GINS1: variants seen among roughly 807,000 people sequenced by gnomAD.
GINS1 encodes DNA replication complex GINS protein PSF1.
A neutral mutation model predicts 34.9 loss-of-function variants in GINS1; 26 were observed. The observed-to-expected ratio is 0.74, with a 90% CI of 0.55 to 1.03. The LOEUF (loss-of-function observed/expected upper bound fraction) is 1.03. Among genes scored for constraint, GINS1 ranks in the 50% least tolerant of loss-of-function variants. The probability of loss-of-function intolerance (pLI) is 0.00; values close to 1 mark genes in which losing one functional copy is unlikely to be tolerated. For synonymous variants in GINS1, 97 were observed against 84.4 expected, an observed-to-expected ratio of 1.15 and a Z score of -0.82; for missense variants, 235 against 237.9, an observed-to-expected ratio of 0.99 and a Z score of 0.08.
At chr20:25,411,395 A>G (rs756750969) in intron 1 of GINS1, 1 of 152,222 alleles carries the variant, frequency 6.6e-6, no homozygotes, top group Non-Finnish European at 1.5e-5. Flanking sequence ...TGCCATTTGT[A>G]TATGCCACAG....
chr20:25,431,860 C>T (rs1208760507), intron 5 of GINS1, among the ~76,000 whole-genome samples: 1 of 151,992 alleles, frequency 6.6e-6, no homozygotes, highest in Non-Finnish European at 1.5e-5. Context: ...GTGTGAGCCA[C>T]CATGCCTGGC....
chr20:25,416,783 A>C (rs1192946915), intron 2 of GINS1, among the ~76,000 whole-genome samples: 1 of 152,228 alleles, frequency 6.6e-6, no homozygotes, highest in Non-Finnish European at 1.5e-5. Context: ...CTCTTATCTC[A>C]GCGTGATAAT....
chr20:25,424,057 C>A (rs1473509463), intron 4 of GINS1, among the ~76,000 whole-genome samples: 1 of 152,162 alleles, frequency 6.6e-6, no homozygotes, highest in Non-Finnish European at 1.5e-5. Context: ...ATGTATTGAA[C>A]AGATCTGCCT....
At position 25,428,969 on chromosome 20, in the gene GINS1, C is replaced by CTTTTTTT. The variant is rs77113924; in HGVS notation, c.447+3673_447+3679dup. ...GGGTCCTCCACCTTCATTCCTCTCT[C>CTTTTTTT]TTTTTTTTTTTTTTTTTTTTTTTTT... On this transcript the variant is annotated intron_variant, in intron 5 of 6. Transcript: ENST00000262460. Among the ~76,000 whole-genome samples the CTTTTTTT allele has an allele frequency of 4.8e-4, 61 of 127,500 alleles. 4 individuals carry two copies. Among genetic ancestry groups the CTTTTTTT allele is most frequent in the Non-Finnish European group, 7.9e-4 (48 of 60,862 alleles). The allele number at this position is 127,500 out of a possible 152,430, so 83.6% of individuals were successfully genotyped here. A position where few individuals can be genotyped will look rare whatever the true frequency, so the allele number is the denominator to read the frequency against.
At chr20:25,444,501 T>C (rs955972558) in intron 6 of GINS1, among the ~76,000 whole-genome samples, 5 of 152,210 alleles carry the variant, frequency 3.3e-5, no homozygotes, top group Non-Finnish European at 5.9e-5. Context: ...TCTTCAAGAT[T>C]GGTTTAGAAG....
chr20:25,408,884 A>G (rs1320932697), intron 1 of GINS1: 1 of 979,088 alleles, frequency 1.0e-6, no homozygotes, highest in Non-Finnish European at 1.2e-6. Context: ...TAGAGCAGGC[A>G]TTATGTGGAT....
intron 5 of GINS1, among the ~76,000 whole-genome samples, chr20:25,431,575 CTT>C (rs77211490): frequency 3.8e-5 from 5 of 132,118 alleles, no homozygotes; most frequent in African/African-American, 5.6e-5. Flanking sequence ...TTTCTTTTTT[CTT>C]TTTTTTTTTT....
chr20:25,430,935 T>G (rs1489951612), intron 5 of GINS1, among the ~76,000 whole-genome samples: 1 of 152,228 alleles, frequency 6.6e-6, no homozygotes, highest in African/African-American at 2.4e-5. Flanking sequence ...CCTCATAAAA[T>G]GAGTTAGGGA....
chr20:25,445,348 A>ATT (rs61186516), intron 6 of GINS1, among the ~76,000 whole-genome samples: 10 of 138,366 alleles, frequency 7.2e-5, no homozygotes, highest in African/African-American at 5.3e-5. Context: ...CGCCTGGCTA[A>ATT]TTTTTTTTTT....
At chr20:25,409,125 A>C in intron 1 of GINS1, 24 of 646,918 alleles carry the variant, frequency 3.7e-5, no homozygotes, top group South Asian at 6.9e-5. Context: ...ACGTGGTCAC[A>C]CTGGAGAGGG....
At chr20:25,431,560 CCTTTTTT>C (rs1218952910) in intron 5 of GINS1, among the ~76,000 whole-genome samples, 65 of 148,916 alleles carry the variant, frequency 4.4e-4, no homozygotes, top group Non-Finnish European at 6.7e-4. Flanking sequence ...TTTTCTTTTT[CCTTTTTT>C]CTTTTTTCTT....
At chr20:25,427,804 T>C (rs558276252) in intron 5 of GINS1, among the ~76,000 whole-genome samples, 1 of 152,070 alleles carries the variant, frequency 6.6e-6, no homozygotes, top group East Asian at 1.9e-4. Flanking sequence ...TTTTTTCTTT[T>C]TTTTCTGTTT....
In GINS1 at chr20:25,408,945, C is replaced by T. The variant is rs948361163; in HGVS notation, c.75+1050C>T. 8.1e-6 allele frequency: 8 copies of T among 982,790 alleles called. No individual in the cohort carries two copies. In the African/African-American group the frequency reaches 1.0e-4, roughly 13 times the overall value. 60.9% of individuals were successfully genotyped at this position (982,790 alleles called of 1,614,324 possible). On this transcript the variant is annotated intron_variant, in intron 1 of 6. Coordinates refer to ENST00000262460, the MANE Select transcript of GINS1 (RefSeq NM_021067.5). ...GGGCACAAAAACAGATAATAGAATT[C>T]ACCACGCTAAGTGATACTAAGGAGG...
chr20:25,428,169 G>A (rs1328208130), intron 5 of GINS1, among the ~76,000 whole-genome samples: 3 of 151,768 alleles, frequency 2.0e-5, no homozygotes, highest in East Asian at 1.9e-4. Context: ...CATCGCACCC[G>A]GCCAATTTTT....
chr20:25,417,327 CTG>C (rs2090327594), intron 3 of GINS1, 125 bp downstream of exon 3: 1 of 619,682 alleles, frequency 1.6e-6, no homozygotes, highest in East Asian at 3.1e-5. Flanking sequence ...AATTTTTCCT[CTG>C]TGTTTTCATT....
At chr20:25,435,668 GA>G (rs2090450119) in intron 5 of GINS1, among the ~76,000 whole-genome samples, 1 of 144,160 alleles carries the variant, frequency 6.9e-6, no homozygotes, top group Non-Finnish European at 1.5e-5. Flanking sequence ...TGAGGGAGGA[GA>G]ATTGCGAATT....
intron 4 of GINS1, among the ~76,000 whole-genome samples, chr20:25,420,190 G>A (rs1275225997): frequency 1.3e-5 from 2 of 152,030 alleles, no homozygotes; most frequent in African/African-American, 4.8e-5. Context: ...CTGGAGTGCA[G>A]TGGCACGATC....
chr20:25,436,989 T>TTG (rs1470078988), intron 5 of GINS1, among the ~76,000 whole-genome samples: 1 of 152,218 alleles, frequency 6.6e-6, no homozygotes, highest in Non-Finnish European at 1.5e-5. Flanking sequence ...GTTTTTTTGG[T>TTG]TGTTGTAAGC....
chr20:25,410,185 C>CA (rs1273372708), intron 1 of GINS1, among the ~76,000 whole-genome samples: 27 of 151,800 alleles, frequency 1.8e-4, no homozygotes, highest in African/African-American at 6.5e-4. Context: ...ACTAAAAATA[C>CA]AAAAAATTAG....
Sources: gnomAD v4.1 joint callset for allele counts (sites outside exome capture counted in the v4.1 genomes callset) on GRCh38, gnomAD v4.1.1 for gene constraint, MANE v1.5 for transcripts, NCBI Gene and HGNC (gene_info 2026-07-23, HGNC 2026-07-21) for gene names.